CDH23: variants seen among roughly 807,000 people sequenced by gnomAD.
The protein encoded by CDH23 is cadherin-23.
A neutral mutation model predicts 317.1 loss-of-function variants in CDH23; 189 were observed. The observed-to-expected ratio is 0.60, with a 90% CI of 0.53 to 0.67. The LOEUF (loss-of-function observed/expected upper bound fraction) is 0.67, where lower values mean the gene tolerates loss of function less well. CDH23 is among the 30% of genes least tolerant of loss of function. The pLI is 0.00. For synonymous variants in CDH23, 1,839 were observed against 1,876.8 expected (o/e 0.98, Z 0.52); for missense variants, 4,401 against 4,592.4 (o/e 0.96, Z 1.20).
intron 31 of CDH23, 126 bp from the exon 32 acceptor site, chr10:71,731,861 G>A (rs113297025): frequency 1.4e-5 from 13 of 918,564 alleles, no homozygotes; most frequent in Admixed American, 5.3e-5. Flanking sequence ...TGATCCTGCC[G>A]GCAGAGGTGG....
In CDH23 at chr10:71,785,015, GTGACGC is replaced by G. The variant is rs1841061696; in HGVS notation, c.5632_5637del (p.Ala1878_Asp1879del). On this transcript the variant is annotated inframe_deletion, in exon 43 of 70. Transcript: ENST00000224721. ...AGCTTTGTCGCCCATGTCCTGGCCA[GTGACGC>G]TGACAGTGGCTGCAATGCACGCCTC... The G allele has an allele frequency of 6.2e-7, 1 of 1,614,078 alleles. No individual in the cohort carries two copies. Among genetic ancestry groups the G allele is most frequent in the Non-Finnish European group, 8.5e-7 (1 of 1,179,890 alleles).
At chr10:71,688,806 C>T (rs1384161706) in intron 19 of CDH23, among the ~76,000 whole-genome samples, 11 of 6,482 alleles carry the variant, frequency 1.7e-3, no homozygotes, top group Admixed American at 5.2e-3. Context: ...GGTGGTGGAG[C>T]CAACGGTGGT....
chr10:71,693,999 C>A (rs916183827), intron 20 of CDH23, 148 bp from the exon 21 acceptor site: 29 of 705,574 alleles, frequency 4.1e-5, no homozygotes, highest in Non-Finnish European at 7.3e-5. Context: ...AGCTCAGGAA[C>A]ACATCCAGGC....
At chr10:71,517,307 C>T (rs1854386979) in intron 6 of CDH23, among the ~76,000 whole-genome samples, 1 of 152,232 alleles carries the variant, frequency 6.6e-6, no homozygotes, top group Admixed American at 6.5e-5. Context: ...ACACTGAAAG[C>T]ACCTTGCCCT....
intron 28 of CDH23, among the ~76,000 whole-genome samples, chr10:71,720,420 A>AAC (rs57346519): frequency 0.21 from 30,179 of 145,680 alleles, 3,098 homozygotes; most frequent in East Asian, 0.32. Context: ...CTCTTTCCAA[A>AAC]ACACACACAC....
chr10:71,423,917 G>T (rs527298247), intron 1 of CDH23, among the ~76,000 whole-genome samples: 12 of 152,336 alleles, frequency 7.9e-5, no homozygotes, highest in African/African-American at 2.9e-4. Context: ...CTGCAGTCCA[G>T]GTGTCGGGTG....
chr10:71,539,227 G>A (rs1855863628), intron 6 of CDH23, among the ~76,000 whole-genome samples: 1 of 152,266 alleles, frequency 6.6e-6, no homozygotes, highest in East Asian at 1.9e-4. Flanking sequence ...CCCCAGCCAG[G>A]AACCCAGAGT....
At chr10:71,435,528 T>A (rs1478202108) in intron 1 of CDH23, among the ~76,000 whole-genome samples, 1 of 152,232 alleles carries the variant, frequency 6.6e-6, no homozygotes, top group Admixed American at 6.5e-5. Context: ...GGAGGAGGGC[T>A]CTAAGCCAGC....
intron 25 of CDH23, among the ~76,000 whole-genome samples, chr10:71,705,925 C>T (rs959313011): frequency 3.3e-5 from 5 of 152,176 alleles, no homozygotes; most frequent in African/African-American, 1.2e-4. Flanking sequence ...CACTGACCCT[C>T]TTCAGTTGAG....
At chr10:71,630,764 A>C (rs936173244) in intron 11 of CDH23, among the ~76,000 whole-genome samples, 1 of 152,210 alleles carries the variant, frequency 6.6e-6, no homozygotes, top group Non-Finnish European at 1.5e-5. Flanking sequence ...CATAGCATTT[A>C]GTAATCTCTG....
In CDH23 at chr10:71,777,784, C is replaced by T. The variant is rs1840851801; in HGVS notation, c.4950C>T (p.Leu1650=). 2.5e-6 allele frequency: 4 copies of T among 1,613,914 alleles called. No homozygotes were observed. The highest frequency in any genetic ancestry group is 3.4e-6 in the Non-Finnish European group (4 of 1,179,872). Residue 1650 remains leucine, a synonymous_variant, in exon 39 of 70, where the codon CTC becomes CTT. Transcript: ENST00000224721. ...EVLLDEGPDT[L]NTSLITIQAL... ...TGCTGGATGAGGGCCCAGACACGCTCAACACCAGCCTCATCACCATCCAGG... is the reference window on the plus strand; with the variant it reads ...TGCTGGATGAGGGCCCAGACACGCTTAACACCAGCCTCATCACCATCCAGG...
intron 29 of CDH23, 121 bp downstream of exon 29, chr10:71,724,226 G>A: frequency 9.9e-7 from 1 of 1,012,910 alleles, no homozygotes; most frequent in South Asian, 1.4e-5. Context: ...ATATACATGG[G>A]GCGAGGCCAG....
At chr10:71,745,425 G>A (rs1839831273) in intron 38 of CDH23, among the ~76,000 whole-genome samples, 1 of 152,196 alleles carries the variant, frequency 6.6e-6, no homozygotes, top group Admixed American at 6.5e-5. Context: ...CCAAGGCCAA[G>A]GGCAGGACTC....
At chr10:71,472,982 G>A in intron 3 of CDH23, among the ~76,000 whole-genome samples, 1 of 152,204 alleles carries the variant, frequency 6.6e-6, no homozygotes, top group South Asian at 2.1e-4. Context: ...TTAAAAGTAG[G>A]TGTATCTGTT....
In CDH23 at chr10:71,809,843, A is replaced by G. The variant is rs777205581; in HGVS notation, c.8746A>G (p.Thr2916Ala). 1 of 1,612,500 alleles carries G rather than the reference A, an allele frequency of 6.2e-7. No homozygotes were observed. Among genetic ancestry groups the G allele is most frequent in the East Asian group, 2.2e-5 (1 of 44,860 alleles). ...AGGGAGCATGGACGGCATTCTGCGC[A>G]CCTTCGACCTCTTCATGGCCTACAG... Reference protein sequence around the residue: ...TMGSMDGILRTFDLFMAYSPG... With the variant: ...TMGSMDGILRAFDLFMAYSPG... The change falls in exon 61 of 70, where the codon ACC (threonine) becomes GCC (alanine). Residue 2916 changes from threonine (T) to alanine (A), a missense_variant. By Grantham distance (58) the Thr-to-Ala change is moderately conservative (BLOSUM62 0). Around this residue, in one of 3 missense-constraint regions of CDH23, gnomAD observed 1,144 missense variants for 1,138.2 expected, o/e 1.01. Coordinates refer to ENST00000224721, the MANE Select transcript of CDH23 (RefSeq NM_022124.6).
intron 11 of CDH23, among the ~76,000 whole-genome samples, chr10:71,618,744 G>A (rs570146055): frequency 3.3e-5 from 5 of 152,234 alleles, no homozygotes; most frequent in Admixed American, 3.3e-4. Flanking sequence ...CCCTCTGGCA[G>A]CTCCTCTCAA....
At chr10:71,763,985 G>A (rs1320931805) in intron 38 of CDH23, among the ~76,000 whole-genome samples, 2 of 152,226 alleles carry the variant, frequency 1.3e-5, no homozygotes, top group Non-Finnish European at 2.9e-5. Flanking sequence ...GTTTTAGGCA[G>A]AGAGCCAAGT....
intron 3 of CDH23, among the ~76,000 whole-genome samples, chr10:71,491,206 A>G (rs373378110): frequency 1.3e-5 from 2 of 152,214 alleles, no homozygotes; most frequent in Non-Finnish European, 1.5e-5. Context: ...CCTTCCACAC[A>G]CTGGCTGGTG....
chr10:71,678,913 C>T (rs1013033987), intron 16 of CDH23, among the ~76,000 whole-genome samples: 11 of 152,150 alleles, frequency 7.2e-5, no homozygotes, highest in Admixed American at 1.3e-4. Flanking sequence ...ATGAAGCTGA[C>T]GGTCTAAGTG....
Sources: allele counts gnomAD v4.1 joint callset (sites outside exome capture counted in the v4.1 genomes callset), GRCh38; gene constraint gnomAD v4.1.1; regional missense constraint gnomAD v4.1.1; transcripts MANE v1.5; gene names NCBI Gene and HGNC (gene_info 2026-07-23, HGNC 2026-07-21).